CDK13: variants seen among roughly 807,000 people sequenced by gnomAD.
CDK13 encodes cyclin dependent kinase 13.
A neutral mutation model predicts 137.6 loss-of-function variants in CDK13; 40 were observed. The ratio of observed to expected loss-of-function variants is 0.29; its 90% CI spans 0.23 to 0.38. The LOEUF (loss-of-function observed/expected upper bound fraction) is 0.38, where lower values mean the gene tolerates loss of function less well. CDK13 is among the 10% of genes least tolerant of loss of function. CDK13 has a pLI of 1.00. For synonymous variants in CDK13, 869 were observed against 760.1 expected (o/e 1.14, Z -2.36); for missense variants, 1,704 against 1,951.8 (o/e 0.87, Z 2.39).
chr7:40,045,212 C>T (rs1040702236), intron 5 of CDK13, among the ~76,000 whole-genome samples: 1 of 152,072 alleles, frequency 6.6e-6, no homozygotes. Flanking sequence ...CTAAATCTCT[C>T]GTAAGTACGT....
chr7:40,062,292 C>CT (rs71848269), intron 7 of CDK13: 4,984 of 148,770 alleles, frequency 0.034, 269 homozygotes, highest in African/African-American at 0.11. Flanking sequence ...CAGTAAACTA[C>CT]TTTTTTTTTT....
intron 7 of CDK13, among the ~76,000 whole-genome samples, chr7:40,054,433 G>A (rs1401188801): frequency 6.6e-6 from 1 of 151,760 alleles, no homozygotes; most frequent in Non-Finnish European, 1.5e-5. Context: ...AAAGTCTGAT[G>A]ACTTTTTTTT....
intron 1 of CDK13, chr7:39,985,814 A>G (rs1466860161): frequency 6.6e-6 from 1 of 152,248 alleles, no homozygotes; most frequent in Non-Finnish European, 1.5e-5. Flanking sequence ...TTTTACTAGC[A>G]GCAGAGAAGC....
intron 5 of CDK13, among the ~76,000 whole-genome samples, chr7:40,039,289 C>T (rs1785553431): frequency 6.6e-6 from 1 of 151,406 alleles, no homozygotes; most frequent in Middle Eastern, 3.5e-3. Flanking sequence ...GAGAGAGTGT[C>T]TTGCTTTGTT....
intron 1 of CDK13, among the ~76,000 whole-genome samples, chr7:39,976,719 A>G (rs1207047208): frequency 1.3e-5 from 2 of 152,176 alleles, no homozygotes; most frequent in East Asian, 1.9e-4. Context: ...TAAGAGATTA[A>G]CAACAATAAT....
At chr7:40,039,794 A>G (rs1269925492) in intron 5 of CDK13, among the ~76,000 whole-genome samples, 1 of 152,000 alleles carries the variant, frequency 6.6e-6, no homozygotes, top group Admixed American at 6.6e-5. Flanking sequence ...CCAGGTTGCT[A>G]TATTCTTTTA....
intron 7 of CDK13, chr7:40,060,783 G>A (rs1786124801): frequency 6.6e-6 from 1 of 152,104 alleles, no homozygotes; most frequent in Non-Finnish European, 1.5e-5. Context: ...AAGGGGATAA[G>A]GCAGCTGGGC....
intron 2 of CDK13, among the ~76,000 whole-genome samples, chr7:39,991,515 GTGTGTGTGTT>G (rs1475004308): frequency 6.6e-6 from 1 of 151,686 alleles, no homozygotes; most frequent in African/African-American, 2.4e-5. Context: ...GTGTGTGTGT[GTGTGTGTGTT>G]TTGGATGGCC....
chr7:40,063,124 G>A (rs1305646472), intron 9 of CDK13, 24 bp downstream of exon 9: 1 of 1,543,062 alleles, frequency 6.5e-7, no homozygotes, highest in African/African-American at 1.4e-5. Context: ...TATAATATTG[G>A]TGGGAATTGG....
chr7:40,040,801 TCTA>T (rs1394048648), intron 5 of CDK13, among the ~76,000 whole-genome samples: 1 of 152,210 alleles, frequency 6.6e-6, no homozygotes, highest in Non-Finnish European at 1.5e-5. Flanking sequence ...TATGTAATAT[TCTA>T]CTTTTTTAAC....
At chr7:40,037,798 A>G (rs1785517310) in intron 5 of CDK13, among the ~76,000 whole-genome samples, 2 of 152,188 alleles carry the variant, frequency 1.3e-5, no homozygotes, top group Admixed American at 1.3e-4. Flanking sequence ...AATAATTTCA[A>G]AGTAACAATG....
chr7:40,047,679 C>T, intron 6 of CDK13, 142 bp from the exon 7 acceptor site: 2 of 555,864 alleles, frequency 3.6e-6, no homozygotes, highest in Non-Finnish European at 6.4e-6. Context: ...CCTGTATTAC[C>T]TTGATGATAT....
At chr7:39,973,209 T>G (rs1340341282) in intron 1 of CDK13, among the ~76,000 whole-genome samples, 1 of 152,190 alleles carries the variant, frequency 6.6e-6, no homozygotes, top group Non-Finnish European at 1.5e-5. Flanking sequence ...CAATTTTGGC[T>G]CACTGCAGCC....
At chr7:39,995,035 A>G (rs1052536839) in intron 2 of CDK13, among the ~76,000 whole-genome samples, 7 of 152,028 alleles carry the variant, frequency 4.6e-5, no homozygotes, top group African/African-American at 1.7e-4. Context: ...TCATTCGTTC[A>G]GATCTAATTT....
At chr7:40,046,554 T>G (rs760502802) in intron 6 of CDK13, among the ~76,000 whole-genome samples, 3 of 151,716 alleles carry the variant, frequency 2.0e-5, no homozygotes, top group Non-Finnish European at 2.9e-5. Flanking sequence ...GGCTGAGGCA[T>G]GAGAATTGCT....
intron 7 of CDK13, among the ~76,000 whole-genome samples, chr7:40,053,957 C>G (rs2083003982): frequency 6.6e-6 from 1 of 152,138 alleles, no homozygotes. Context: ...CAAGATCACA[C>G]AACCAATAAG....
At chr7:39,975,073 G>GAA (rs113478569) in intron 1 of CDK13, among the ~76,000 whole-genome samples, 1 of 146,322 alleles carries the variant, frequency 6.8e-6, no homozygotes, top group African/African-American at 2.5e-5. Context: ...CAGAAGTCAG[G>GAA]AAAAAAAAAA....
In CDK13 at chr7:39,950,889, C is replaced by G. The variant is rs954023481; in HGVS notation, c.248C>G (p.Pro83Arg). 1.4e-5 allele frequency: 19 copies of G among 1,351,806 alleles called. No homozygotes were observed. The highest frequency in any genetic ancestry group is 1.9e-5 in the South Asian group (1 of 52,678). 83.7% of individuals were successfully genotyped at this position (1,351,806 alleles called of 1,614,324 possible). The change falls in exon 1 of 14, where the codon CCG becomes CGG. Residue 83 changes from proline (P) to arginine (R), a missense_variant. This residue lies in a region of CDK13 where 1,051 missense variants were observed against 931.0 expected (regional missense o/e 1.13). Coordinates refer to ENST00000181839, the MANE Select transcript of CDK13 (RefSeq NM_003718.5). ...GCGGCCTCCTCCTCTTGCTTCAGCC[C>G]GGGCCCCCCTCTGGAGGTCAAGCGG... is the stretch of plus-strand genomic sequence containing the variant. ...AAAASSSCFSPGPPLEVKRLA... is the reference protein window; with the variant it reads ...AAAASSSCFSRGPPLEVKRLA...
At chr7:39,953,604 T>C (rs181761561) in intron 1 of CDK13, among the ~76,000 whole-genome samples, 2 of 152,346 alleles carry the variant, frequency 1.3e-5, no homozygotes, top group African/African-American at 2.4e-5. Context: ...TGACCCTGTA[T>C]TGTATGCCAT....
Sources: gnomAD v4.1 joint callset for allele counts (sites outside exome capture counted in the v4.1 genomes callset) on GRCh38, gnomAD v4.1.1 for gene constraint, gnomAD v4.1.1 regional missense constraint, MANE v1.5 for transcripts, NCBI Gene and HGNC (gene_info 2026-07-23, HGNC 2026-07-21) for gene names.